Variants in AGMO observed in about 807,000 individuals in gnomAD.
AGMO encodes alkylglycerol monooxygenase, also known as glyceryl-ether monooxygenase.
In AGMO, 75 loss-of-function variants were observed where a neutral mutation model predicts 60.2. The observed-to-expected ratio is 1.25, with a 90% confidence interval of 1.03 to 1.51. AGMO has a LOEUF of 1.51. Ranked by LOEUF, AGMO falls within the 40% of genes most tolerant of loss-of-function variation. The probability of loss-of-function intolerance (pLI) is 0.00; values close to 1 mark genes in which losing one functional copy is unlikely to be tolerated. For missense variants in AGMO, 763 were observed against 525.5 expected, an observed-to-expected ratio of 1.45 and a Z score of -4.42; for synonymous variants, 261 against 177.1, an observed-to-expected ratio of 1.47 and a Z score of -3.76.
chr7:15,366,121 C>G lies in AGMO; in HGVS notation c.1157+19G>C, dbSNP rs1220908334. ...GAATTGAGTAAAAGTAAAAACAATG[C>G]AAGAATTTCACTTCTTGCCTTTGAT... On this transcript the variant is annotated intron_variant, in intron 11 of 12. Coordinates refer to ENST00000342526, the MANE Select transcript of AGMO (RefSeq NM_001004320.2). The G allele has an allele frequency of 1.3e-6, 2 of 1,580,476 alleles. No homozygotes were observed. The highest frequency in any genetic ancestry group is 1.7e-5 in the Admixed American group (1 of 58,246).
chr7:15,231,628 T>A (rs1038448351), intron 12 of AGMO, among the ~76,000 whole-genome samples: 1 of 152,216 alleles, frequency 6.6e-6, no homozygotes, highest in African/African-American at 2.4e-5. Context: ...ATATGAATGT[T>A]CCATTTTGCA....
chr7:15,439,416 A>C (rs1157525708), intron 3 of AGMO, among the ~76,000 whole-genome samples: 1 of 151,978 alleles, frequency 6.6e-6, no homozygotes, highest in African/African-American at 2.4e-5. Context: ...ATAATAATAA[A>C]ATCCAGAACA....
intron 4 of AGMO, among the ~76,000 whole-genome samples, chr7:15,421,065 T>C (rs1780908808): frequency 6.6e-6 from 1 of 152,134 alleles, no homozygotes; most frequent in African/African-American, 2.4e-5. Context: ...GCAGGGGTTG[T>C]GTGAGACAGT....
intron 5 of AGMO, among the ~76,000 whole-genome samples, chr7:15,404,502 G>A (rs2128490536): frequency 6.6e-6 from 1 of 151,910 alleles, no homozygotes; most frequent in Admixed American, 6.6e-5. Flanking sequence ...AGAAAAACTG[G>A]AAACATTTAT....
At chr7:15,474,401 T>C (rs1211670629) in intron 3 of AGMO, among the ~76,000 whole-genome samples, 1 of 151,964 alleles carries the variant, frequency 6.6e-6, no homozygotes, top group Non-Finnish European at 1.5e-5. Flanking sequence ...ACACCACACA[T>C]CTACAACCAT....
At chr7:15,526,770 C>A (rs977677291) in intron 3 of AGMO, among the ~76,000 whole-genome samples, 2 of 152,108 alleles carry the variant, frequency 1.3e-5, no homozygotes, top group African/African-American at 4.8e-5. Context: ...TTTGTGGCAA[C>A]CTTGTGTCTA....
the AGMO span, among the ~76,000 whole-genome samples, chr7:15,137,613 C>A: frequency 6.6e-6 from 1 of 151,988 alleles, no homozygotes; most frequent in East Asian, 1.9e-4. Context: ...AGCATACAAA[C>A]CAAAGATGGA....
At chr7:15,141,043 C>T in the AGMO span, among the ~76,000 whole-genome samples, 2 of 152,042 alleles carry the variant, frequency 1.3e-5, no homozygotes, top group African/African-American at 4.8e-5. Flanking sequence ...CAAATGAGAC[C>T]AATTTATCTA....
chr7:15,394,760 A>G (rs761114869), intron 5 of AGMO, among the ~76,000 whole-genome samples: 1 of 152,224 alleles, frequency 6.6e-6, no homozygotes, highest in Non-Finnish European at 1.5e-5. Context: ...TTGCATCAGT[A>G]ATCTACGGCA....
At chr7:15,418,876 A>G (rs1276299705) in intron 4 of AGMO, among the ~76,000 whole-genome samples, 1 of 151,798 alleles carries the variant, frequency 6.6e-6, no homozygotes, top group East Asian at 1.9e-4. Context: ...TGCATTTAAT[A>G]TTGTCTAGTT....
chr7:15,173,619 G>T, the AGMO span, among the ~76,000 whole-genome samples: 1 of 151,872 alleles, frequency 6.6e-6, no homozygotes, highest in Admixed American at 6.6e-5. Flanking sequence ...AATAGGTAAG[G>T]ATAAAAACTA....
rs533746969 is a variant in AGMO at position 15,361,338 on chromosome 7, G to C, written c.1263+4176C>G. Among the ~76,000 whole-genome samples, 146 of 151,246 alleles carry C rather than the reference G, an allele frequency of 9.7e-4. No homozygotes were observed. The South Asian group carries it at 0.016, about 17-fold the overall frequency. On this transcript the variant is annotated intron_variant, in intron 12 of 12. Coordinates refer to ENST00000342526, the MANE Select transcript of AGMO (RefSeq NM_001004320.2). ...GCGGATCACCAGGTCAGGAGATTGA[G>C]ACCATCCTGGCTAACATGGTGAAAC...
At chr7:15,287,424 T>A (rs1784129043) in intron 12 of AGMO, among the ~76,000 whole-genome samples, 1 of 152,206 alleles carries the variant, frequency 6.6e-6, no homozygotes. Flanking sequence ...TTAAATAATT[T>A]ACCCTGTTCA....
intron 12 of AGMO, among the ~76,000 whole-genome samples, chr7:15,318,846 A>G (rs891409820): frequency 6.6e-6 from 1 of 152,172 alleles, no homozygotes; most frequent in Non-Finnish European, 1.5e-5. Context: ...CTCTAAAATC[A>G]GGCTTCTTGA....
At chr7:15,380,350 T>C (rs1392961850) in intron 10 of AGMO, among the ~76,000 whole-genome samples, 1 of 152,144 alleles carries the variant, frequency 6.6e-6, no homozygotes, top group African/African-American at 2.4e-5. Flanking sequence ...ATCACTGGCA[T>C]TTCTATACAC....
chr7:15,195,964 G>A (rs1476442416), downstream of AGMO, among the ~76,000 whole-genome samples: 1 of 151,912 alleles, frequency 6.6e-6, no homozygotes, highest in Non-Finnish European at 1.5e-5. Context: ...GCTTGCTGAT[G>A]CTTACATAGT....
At chr7:15,465,618 A>AT (rs567764255) in intron 3 of AGMO, among the ~76,000 whole-genome samples, 1,448 of 143,868 alleles carry the variant, frequency 0.01, 5 homozygotes, top group Non-Finnish European at 0.016. Context: ...TATATATATG[A>AT]TTTTTTTTTT....
intron 3 of AGMO, among the ~76,000 whole-genome samples, chr7:15,515,720 G>A (rs1583634412): frequency 1.3e-5 from 2 of 152,262 alleles, no homozygotes; most frequent in East Asian, 1.9e-4. Flanking sequence ...ATAGTTTCTA[G>A]GAGAATTAAG....
chr7:15,165,418 G>A, the AGMO span, among the ~76,000 whole-genome samples: 1 of 152,074 alleles, frequency 6.6e-6, no homozygotes, highest in African/African-American at 2.4e-5. Flanking sequence ...TAAAAGACAA[G>A]AGTCTGAAGG....
Sources: allele counts gnomAD v4.1 joint callset (sites outside exome capture counted in the v4.1 genomes callset), GRCh38; gene constraint gnomAD v4.1.1; transcripts MANE v1.5; gene names NCBI Gene and HGNC (gene_info 2026-07-23, HGNC 2026-07-21).